NELL2: variants seen among roughly 807,000 people sequenced by gnomAD.
NELL2 encodes the protein protein kinase C-binding protein NELL2.
NELL2 carries 41 observed loss-of-function variants against 109.6 expected under a neutral mutation model. The ratio of observed to expected loss-of-function variants is 0.37; its 90% CI spans 0.29 to 0.49. The LOEUF (loss-of-function observed/expected upper bound fraction) is 0.49, where lower values mean the gene tolerates loss of function less well. Among genes scored for constraint, NELL2 ranks in the 20% least tolerant of loss-of-function variants. The pLI is 0.98. For synonymous variants in NELL2, 355 were observed against 344.7 expected, an observed-to-expected ratio of 1.03 and a Z score of -0.33; for missense variants, 900 against 1,008.3, an observed-to-expected ratio of 0.89 and a Z score of 1.45.
chr12:44,628,744 G>A (rs1359978359), intron 13 of NELL2, among the ~76,000 whole-genome samples: 1 of 152,008 alleles, frequency 6.6e-6, no homozygotes, highest in Non-Finnish European at 1.5e-5. Flanking sequence ...CTGCCTGCTC[G>A]CCCCACCCGC....
chr12:44,606,782 C>G (rs937326312), intron 15 of NELL2, among the ~76,000 whole-genome samples: 6 of 151,912 alleles, frequency 3.9e-5, no homozygotes, highest in African/African-American at 1.5e-4. Flanking sequence ...ATTGTGGATG[C>G]AGGTGATAGT....
chr12:44,617,691 C>CAAAAAAAAAAAAAAAAAA (rs975070930), intron 13 of NELL2, among the ~76,000 whole-genome samples: 49 of 22,362 alleles, frequency 2.2e-3, no homozygotes, highest in Non-Finnish European at 3.1e-3. Context: ...GACTCCGTCT[C>CAAAAAAAAAAAAAAAAAA]AAAAAAAAAA....
intron 13 of NELL2, among the ~76,000 whole-genome samples, chr12:44,644,606 AT>A (rs1947006949): frequency 1.3e-5 from 1 of 76,350 alleles, no homozygotes; most frequent in South Asian, 3.6e-4. Flanking sequence ...ATATATATGT[AT>A]GTATATATAT....
intron 2 of NELL2, among the ~76,000 whole-genome samples, chr12:44,852,484 C>T (rs1166932878): frequency 1.3e-5 from 2 of 152,176 alleles, no homozygotes; most frequent in Non-Finnish European, 2.9e-5. Context: ...ACAGTTTAAA[C>T]ATTCCCTCTC....
intron 13 of NELL2, among the ~76,000 whole-genome samples, chr12:44,613,540 G>A (rs1945703796): frequency 6.6e-6 from 1 of 151,968 alleles, no homozygotes; most frequent in Admixed American, 6.6e-5. Context: ...TTTGATTTTG[G>A]ATATTTCAAA....
chr12:44,555,004 G>T (rs1265756221), intron 15 of NELL2, among the ~76,000 whole-genome samples: 1 of 152,232 alleles, frequency 6.6e-6, no homozygotes, highest in East Asian at 1.9e-4. Context: ...GAAGCCATGT[G>T]CTGGAGGAAG....
At chr12:44,584,511 C>T (rs1258503804) in intron 15 of NELL2, among the ~76,000 whole-genome samples, 3 of 152,278 alleles carry the variant, frequency 2.0e-5, no homozygotes, top group East Asian at 3.9e-4. Flanking sequence ...AGTGGCATTC[C>T]TATATTATAT....
At chr12:44,579,626 A>G (rs1011732030) in intron 15 of NELL2, among the ~76,000 whole-genome samples, 2 of 152,198 alleles carry the variant, frequency 1.3e-5, no homozygotes, top group African/African-American at 2.4e-5. Flanking sequence ...AAAACAGAAG[A>G]ATGCCTACTA....
At chr12:44,617,977 C>T (rs1945903683) in intron 13 of NELL2, among the ~76,000 whole-genome samples, 2 of 152,088 alleles carry the variant, frequency 1.3e-5, no homozygotes, top group African/African-American at 4.8e-5. Flanking sequence ...AACCCCACTA[C>T]TTTCAATGAT....
intron 13 of NELL2, among the ~76,000 whole-genome samples, chr12:44,641,197 G>C (rs995635095): frequency 6.6e-6 from 1 of 152,204 alleles, no homozygotes; most frequent in Non-Finnish European, 1.5e-5. Context: ...GGAAAAATCT[G>C]TACGTACATA....
intron 19 of NELL2, 78 bp downstream of exon 19, chr12:44,519,927 C>A: frequency 7.9e-7 from 1 of 1,258,866 alleles, no homozygotes; most frequent in Non-Finnish European, 1.1e-6. Flanking sequence ...TCCTATTGTC[C>A]AGGTAGAGCA....
chr12:44,758,713 G>C (rs1430363470), intron 9 of NELL2, among the ~76,000 whole-genome samples: 1 of 152,110 alleles, frequency 6.6e-6, no homozygotes, highest in Non-Finnish European at 1.5e-5. Flanking sequence ...ACTCAGTTCA[G>C]CTTTCAATAT....
At chr12:44,550,573 A>AAAT (rs1259237937) in intron 15 of NELL2, among the ~76,000 whole-genome samples, 2 of 151,136 alleles carry the variant, frequency 1.3e-5, no homozygotes, top group Non-Finnish European at 2.9e-5. Context: ...ATAAATAAAT[A>AAAT]AATAAATAAA....
At chr12:44,529,275 G>C (rs1239689306) in intron 16 of NELL2, among the ~76,000 whole-genome samples, 1 of 152,144 alleles carries the variant, frequency 6.6e-6, no homozygotes, top group East Asian at 1.9e-4. Flanking sequence ...TGTATGGAAT[G>C]TGAGATATGA....
Position 44,704,906 on chromosome 12 carries a change from T to C in NELL2, c.1190-1052A>G, listed in dbSNP as rs967409503. Among the ~76,000 whole-genome samples, 5 of 151,526 alleles carry C rather than the reference T, an allele frequency of 3.3e-5. No individual in the cohort carries two copies. In the South Asian group the frequency reaches 8.3e-4, roughly 25 times the overall value. On this transcript the variant is annotated intron_variant, in intron 11 of 19. Transcript: ENST00000429094. ...TGGTGGCAGGTGCCTGTAATCCCAG[T>C]TACTCTGGAGGCTGAGGCAGGAAAA...
At position 44,513,196 on chromosome 12, in the gene NELL2, T is replaced by A. The variant is rs1247871954; in HGVS notation, c.2401-4212A>T. 3.9e-5 allele frequency among the ~76,000 whole-genome samples: 6 copies of A among 151,934 alleles called. No individual in the cohort carries two copies. The East Asian group carries it at 1.2e-3, about 29-fold the overall frequency. On this transcript the variant is annotated intron_variant, in intron 19 of 19. Transcript: ENST00000429094. The stretch of plus-strand genomic sequence containing the variant: ...CAATACCTACAGATTAAGAGATTCA[T>A]GCTAAAACTAAAGGTAAATTTGAAA...
At chr12:44,903,991 C>A (rs1220335322) in intron 1 of NELL2, among the ~76,000 whole-genome samples, 1 of 151,912 alleles carries the variant, frequency 6.6e-6, no homozygotes, top group African/African-American at 2.4e-5. Context: ...ACCTATGTAA[C>A]AAACCTGCAC....
At chr12:44,730,376 A>G (rs1215141978) in intron 9 of NELL2, among the ~76,000 whole-genome samples, 1 of 152,192 alleles carries the variant, frequency 6.6e-6, no homozygotes, top group Non-Finnish European at 1.5e-5. Context: ...TCCAGGATAG[A>G]CCACGTTATA....
intron 9 of NELL2, among the ~76,000 whole-genome samples, chr12:44,737,001 C>T (rs566578307): frequency 6.6e-6 from 1 of 151,690 alleles, no homozygotes; most frequent in South Asian, 2.1e-4. Flanking sequence ...ATTTACTGTC[C>T]TGATTTATTT....
Sources: gnomAD v4.1 joint callset for allele counts (sites outside exome capture counted in the v4.1 genomes callset) on GRCh38, gnomAD v4.1.1 for gene constraint, MANE v1.5 for transcripts, NCBI Gene and HGNC (gene_info 2026-07-23, HGNC 2026-07-21) for gene names.